BRINP2: variants seen among roughly 807,000 people sequenced by gnomAD.
The protein encoded by BRINP2 is BMP/retinoic acid-inducible neural-specific protein 2.
BRINP2 carries 21 observed loss-of-function variants against 69.2 expected under a neutral mutation model. The observed-to-expected ratio is 0.30, with a 90% CI of 0.22 to 0.44. BRINP2 has a LOEUF of 0.44. Among genes scored for constraint, BRINP2 ranks in the 20% least tolerant of loss-of-function variants. The pLI is 1.00. For missense variants in BRINP2, 877 were observed against 986.0 expected (o/e 0.89, Z 1.48); for synonymous variants, 380 against 394.1 (o/e 0.96, Z 0.42).
chr1:177,276,581 A>T (rs945517938), intron 6 of BRINP2, 147 bp downstream of exon 6: 3 of 718,624 alleles, frequency 4.2e-6, no homozygotes, highest in South Asian at 1.9e-5. Context: ...CAAGCAGGTT[A>T]TATCACCACC....
At position 177,241,243 on chromosome 1, in the gene BRINP2, T is replaced by TTA. The variant is rs549296100; in HGVS notation, c.269+11099_269+11100dup. ...GCCTCGGCCTCCCAAAATGCTGGGA[T>TTA]TACAGGCGTGAGCCATTGCGCCCGG... On this transcript the variant is annotated intron_variant, in intron 2 of 7. Transcript: ENST00000361539. Among the ~76,000 whole-genome samples the TTA allele has an allele frequency of 3.7e-4, 57 of 152,320 alleles. No individual in the cohort carries two copies. In the South Asian group the frequency reaches 0.011, roughly 30 times the overall value.
At chr1:177,253,942 T>A (rs1558178339) in intron 2 of BRINP2, among the ~76,000 whole-genome samples, 1 of 152,156 alleles carries the variant, frequency 6.6e-6, no homozygotes, top group Non-Finnish European at 1.5e-5. Flanking sequence ...AGATTTGGGA[T>A]GGGTGAAGAG....
intron 1 of BRINP2, among the ~76,000 whole-genome samples, chr1:177,171,983 C>A (rs1191229449): frequency 6.6e-6 from 1 of 152,118 alleles, no homozygotes; most frequent in Admixed American, 6.5e-5. Context: ...GTTTGGGCTC[C>A]CTGCCTGACC....
At chr1:177,232,135 A>T (rs560394082) in intron 2 of BRINP2, among the ~76,000 whole-genome samples, 8 of 152,302 alleles carry the variant, frequency 5.3e-5, no homozygotes, top group African/African-American at 1.9e-4. Flanking sequence ...TAAAAAGTGT[A>T]TTGGAATTGA....
At chr1:177,246,375 TTC>T (rs1650381936) in intron 2 of BRINP2, among the ~76,000 whole-genome samples, 1 of 152,196 alleles carries the variant, frequency 6.6e-6, no homozygotes, top group African/African-American at 2.4e-5. Flanking sequence ...GGCAAACCAT[TTC>T]TCTCAGTTTC....
chr1:177,236,023 G>C (rs1484881149), intron 2 of BRINP2, among the ~76,000 whole-genome samples: 1 of 152,196 alleles, frequency 6.6e-6, no homozygotes, highest in African/African-American at 2.4e-5. Flanking sequence ...ATTTAAATTA[G>C]AGCAAAATTA....
chr1:177,273,715 A>G (rs1178233233), intron 5 of BRINP2, 122 bp downstream of exon 5: 2 of 578,720 alleles, frequency 3.5e-6, no homozygotes, highest in Non-Finnish European at 6.0e-6. Flanking sequence ...TTAAGACAAG[A>G]ACTACCACAA....
intron 1 of BRINP2, among the ~76,000 whole-genome samples, chr1:177,199,254 C>T (rs1648834373): frequency 6.6e-6 from 1 of 152,156 alleles, no homozygotes; most frequent in Non-Finnish European, 1.5e-5. Context: ...AAATCAATGA[C>T]CTATTTTCAG....
intron 2 of BRINP2, among the ~76,000 whole-genome samples, chr1:177,242,244 A>G (rs897557584): frequency 6.6e-6 from 1 of 152,138 alleles, no homozygotes; most frequent in African/African-American, 2.4e-5. Flanking sequence ...CTCTAATGCA[A>G]CCTGCCTAAG....
intron 1 of BRINP2, among the ~76,000 whole-genome samples, chr1:177,221,306 T>C (rs1649525357): frequency 6.6e-6 from 1 of 152,166 alleles, no homozygotes; most frequent in African/African-American, 2.4e-5. Context: ...TATGTAAACA[T>C]AATTAGAGGT....
intron 4 of BRINP2, among the ~76,000 whole-genome samples, chr1:177,273,090 A>G (rs1473666029): frequency 6.6e-6 from 1 of 152,198 alleles, no homozygotes; most frequent in Non-Finnish European, 1.5e-5. Flanking sequence ...GTCTGTGAGT[A>G]CCACATCAAG....
rs1392915283 is a variant in BRINP2, at chr1:177,236,669, A to G, written c.269+6524A>G. Among the ~76,000 whole-genome samples, 4 of 152,332 alleles carry G rather than the reference A, an allele frequency of 2.6e-5. No individual in the cohort carries two copies. The South Asian group carries it at 8.3e-4, about 32-fold the overall frequency. On this transcript the variant is annotated intron_variant, in intron 2 of 7. Transcript: ENST00000361539. ...TGGAATAAAAGGTAACACATAGGCA[A>G]AAACCGATGGATGACTGGAGACTCC...
intron 1 of BRINP2, among the ~76,000 whole-genome samples, chr1:177,221,231 G>T (rs970887900): frequency 6.6e-6 from 1 of 152,134 alleles, no homozygotes; most frequent in African/African-American, 2.4e-5. Flanking sequence ...AACCTTACAG[G>T]GGTTTGTGCA....
At chr1:177,246,263 T>C (rs925809869) in intron 2 of BRINP2, among the ~76,000 whole-genome samples, 1 of 152,194 alleles carries the variant, frequency 6.6e-6, no homozygotes, top group African/African-American at 2.4e-5. Context: ...AGGTGGACAG[T>C]ACTCCCTGAG....
Position 177,220,051 on chromosome 1 carries a change from C to A in BRINP2, c.-76-9750C>A, listed in dbSNP as rs117328906. 3.5e-4 allele frequency among the ~76,000 whole-genome samples: 53 copies of A among 152,296 alleles called. No homozygotes were observed. In the East Asian group the frequency reaches 6.2e-3, roughly 18 times the overall value. Reference sequence around the variant, plus strand: ...TCCAGGGAGATGGGCAGGCCATGCCCAGGGGCAGGGCCAAATGGTTTGATT... The same window carrying A: ...TCCAGGGAGATGGGCAGGCCATGCCAAGGGGCAGGGCCAAATGGTTTGATT... On this transcript the variant is annotated intron_variant, in intron 1 of 7. Transcript: ENST00000361539.
At chr1:177,262,855 C>T (rs1056466055) in intron 4 of BRINP2, among the ~76,000 whole-genome samples, 2 of 152,112 alleles carry the variant, frequency 1.3e-5, no homozygotes, top group Admixed American at 1.3e-4. Context: ...TAGATAAACA[C>T]AGTAGATTTC....
chr1:177,263,125 G>A (rs1305396955), intron 4 of BRINP2, among the ~76,000 whole-genome samples: 2 of 152,202 alleles, frequency 1.3e-5, no homozygotes, highest in Non-Finnish European at 2.9e-5. Context: ...AGAAGCCTTT[G>A]AGGATGCTAG....
chr1:177,252,692 G>T (rs1236980863), intron 2 of BRINP2, among the ~76,000 whole-genome samples: 1 of 151,976 alleles, frequency 6.6e-6, no homozygotes, highest in Non-Finnish European at 1.5e-5. Context: ...CTATAACTTT[G>T]TATCTGTCAA....
At chr1:177,218,197 T>A (rs879531001) in intron 1 of BRINP2, among the ~76,000 whole-genome samples, 5 of 151,740 alleles carry the variant, frequency 3.3e-5, no homozygotes, top group Non-Finnish European at 5.9e-5. Context: ...CTACAGGGAG[T>A]GTAGATTAAG....
Sources: gnomAD v4.1 joint callset for allele counts (sites outside exome capture counted in the v4.1 genomes callset) on GRCh38, gnomAD v4.1.1 for gene constraint, MANE v1.5 for transcripts, NCBI Gene and HGNC (gene_info 2026-07-23, HGNC 2026-07-21) for gene names.